Variants in IHO1 observed in about 807,000 individuals in gnomAD.
The protein encoded by IHO1 is interactor of HORMAD1 protein 1.
Under a neutral mutation model 31.0 loss-of-function variants are expected in IHO1, and 13 were observed. That is an observed-to-expected ratio of 0.42 (90% CI 0.27 to 0.67). The LOEUF (loss-of-function observed/expected upper bound fraction) is 0.67. Ranked by LOEUF, IHO1 falls within the 30% of genes least tolerant of loss-of-function variation. IHO1 has a pLI of 0.24. For synonymous variants in IHO1, 221 were observed against 248.4 expected, an observed-to-expected ratio of 0.89 and a Z score of 1.04; for missense variants, 599 against 687.5, an observed-to-expected ratio of 0.87 and a Z score of 1.44.
intron 6 of IHO1, among the ~76,000 whole-genome samples, chr3:49,247,444 C>A: frequency 6.6e-6 from 1 of 151,172 alleles, no homozygotes; most frequent in African/African-American, 2.4e-5. Flanking sequence ...GTTGGCCAGG[C>A]TGGTTTTGAA....
chr3:49,246,918 G>A (rs1005525035), intron 6 of IHO1, among the ~76,000 whole-genome samples: 3 of 150,532 alleles, frequency 2.0e-5, no homozygotes, highest in Non-Finnish European at 4.4e-5. Flanking sequence ...GCGATGGCGC[G>A]AACTTGTGCA....
At chr3:49,238,791 GT>G (rs1287467701) in intron 3 of IHO1, among the ~76,000 whole-genome samples, 1 of 152,152 alleles carries the variant, frequency 6.6e-6, no homozygotes, top group Non-Finnish European at 1.5e-5. Flanking sequence ...GTAACCTTGA[GT>G]ATCACTAAGG....
At chr3:49,240,696 A>T (rs1028783700) in intron 3 of IHO1, among the ~76,000 whole-genome samples, 1 of 152,214 alleles carries the variant, frequency 6.6e-6, no homozygotes, top group Non-Finnish European at 1.5e-5. Flanking sequence ...ATGCTCTGAA[A>T]TAAGTATTTC....
chr3:49,244,844 T>A (rs2046675514), intron 6 of IHO1, 111 bp downstream of exon 6: 3 of 924,424 alleles, frequency 3.2e-6, no homozygotes. Flanking sequence ...GGGTTTCAGA[T>A]GAGAGGATGG....
At chr3:49,255,297 C>T in intron 6 of IHO1, 93 bp from the exon 7 acceptor site, 1 of 837,408 alleles carries the variant, frequency 1.2e-6, no homozygotes, top group Non-Finnish European at 1.9e-6. Context: ...CATCCAGCTC[C>T]TCCCTTTTCA....
At chr3:49,255,822 G>A (rs375013070) in intron 7 of IHO1, among the ~76,000 whole-genome samples, 1 of 152,028 alleles carries the variant, frequency 6.6e-6, no homozygotes, top group East Asian at 1.9e-4. Flanking sequence ...AAGTGCTGGG[G>A]ATTACAGGTG....
chr3:49,193,583 C>T (rs1482099968), upstream of IHO1, among the ~76,000 whole-genome samples: 5 of 137,362 alleles, frequency 3.6e-5, no homozygotes, highest in South Asian at 2.4e-4. Flanking sequence ...GTCCCAGCTA[C>T]GCTACTTGGG....
chr3:49,199,813 C>T (rs2107674123), intron 1 of IHO1: 1 of 152,398 alleles, frequency 6.6e-6, no homozygotes, highest in Non-Finnish European at 1.5e-5. Flanking sequence ...ATCCGATTCG[C>T]AGGGGTCCGC....
intron 3 of IHO1, among the ~76,000 whole-genome samples, chr3:49,240,466 C>T (rs1269244745): frequency 2.0e-5 from 3 of 152,150 alleles, no homozygotes; most frequent in South Asian, 2.1e-4. Flanking sequence ...TCAGGTGATC[C>T]GCCCGCCTCG....
intron 1 of IHO1, among the ~76,000 whole-genome samples, chr3:49,201,328 C>G (rs2107676866): frequency 6.6e-6 from 1 of 151,632 alleles, no homozygotes; most frequent in East Asian, 2.0e-4. Flanking sequence ...GCCGAGTTGG[C>G]TGTGCGCGGT....
chr3:49,212,315 G>C (rs1025786327), intron 2 of IHO1, among the ~76,000 whole-genome samples: 1 of 150,176 alleles, frequency 6.7e-6, no homozygotes, highest in African/African-American at 2.5e-5. Flanking sequence ...TTCACGACTA[G>C]CTTGGCCAAC....
intron 2 of IHO1, among the ~76,000 whole-genome samples, chr3:49,219,616 G>T (rs557405979): frequency 1.3e-5 from 2 of 152,230 alleles, no homozygotes; most frequent in East Asian, 3.9e-4. Flanking sequence ...AGTGCCGCTG[G>T]GTTAGGGTCT....
At chr3:49,224,066 A>G (rs778258251) in intron 2 of IHO1, among the ~76,000 whole-genome samples, 3 of 152,190 alleles carry the variant, frequency 2.0e-5, no homozygotes, top group Non-Finnish European at 4.4e-5. Context: ...AGTGTTTTCA[A>G]TACCCATATG....
intron 2 of IHO1, among the ~76,000 whole-genome samples, chr3:49,219,430 C>T (rs1247152201): frequency 6.6e-6 from 1 of 152,184 alleles, no homozygotes; most frequent in African/African-American, 2.4e-5. Context: ...CCTTTGTTTC[C>T]CGTAAGGAAT....
At chr3:49,223,738 C>G (rs751294577) in intron 2 of IHO1, among the ~76,000 whole-genome samples, 7 of 151,948 alleles carry the variant, frequency 4.6e-5, no homozygotes, top group Non-Finnish European at 7.4e-5. Flanking sequence ...TTTGGGGAAG[C>G]CCAAATCTAG....
At chr3:49,253,171 A>T (rs1174289913) in intron 6 of IHO1, among the ~76,000 whole-genome samples, 2 of 152,108 alleles carry the variant, frequency 1.3e-5, no homozygotes, top group African/African-American at 4.8e-5. Context: ...TATGCCTGTA[A>T]TCCCAGCACT....
chr3:49,249,332 G>A (rs934521056), intron 6 of IHO1, among the ~76,000 whole-genome samples: 27 of 151,544 alleles, frequency 1.8e-4, no homozygotes, highest in Admixed American at 1.6e-3. Flanking sequence ...GTGCAGTGGC[G>A]TGATCTTGGC....
intron 2 of IHO1, among the ~76,000 whole-genome samples, chr3:49,229,560 G>A (rs1253425140): frequency 1.3e-5 from 2 of 152,188 alleles, no homozygotes; most frequent in African/African-American, 4.8e-5. Flanking sequence ...TTATTTGGAA[G>A]CACAGATAAG....
At chr3:49,251,157 G>C (rs1005910851) in intron 6 of IHO1, among the ~76,000 whole-genome samples, 1 of 151,596 alleles carries the variant, frequency 6.6e-6, no homozygotes, top group Non-Finnish European at 1.5e-5. Context: ...GTCTCTCTCT[G>C]TCACACAGGC....
Sources: gnomAD v4.1 joint callset for allele counts (sites outside exome capture counted in the v4.1 genomes callset) on GRCh38, gnomAD v4.1.1 for gene constraint, MANE v1.5 for transcripts, NCBI Gene and HGNC (gene_info 2026-07-23, HGNC 2026-07-21) for gene names.